NBEAL2: variants seen among roughly 807,000 people sequenced by gnomAD.
The protein encoded by NBEAL2 is neurobeachin like 2.
Under a neutral mutation model 299.8 loss-of-function variants are expected in NBEAL2, and 160 were observed. The observed-to-expected ratio is 0.53, with a 90% CI of 0.47 to 0.61. The LOEUF (loss-of-function observed/expected upper bound fraction) is 0.61. Ranked by LOEUF, NBEAL2 falls within the 20% of genes least tolerant of loss-of-function variation. The pLI, the probability that NBEAL2 is intolerant of heterozygous loss-of-function variation, is 0.00. For missense variants in NBEAL2, 3,112 were observed against 3,649.0 expected, an observed-to-expected ratio of 0.85 and a Z score of 3.79; for synonymous variants, 1,493 against 1,542.3, an observed-to-expected ratio of 0.97 and a Z score of 0.75.
chr3:46,987,300 C>T (rs1223087122), intron 1 of NBEAL2, among the ~76,000 whole-genome samples: 3 of 152,218 alleles, frequency 2.0e-5, no homozygotes, highest in Non-Finnish European at 2.9e-5. Flanking sequence ...AGCCTGAGGC[C>T]TGCTGAGTGC....
In NBEAL2 at chr3:47,002,973, C is replaced by T. The variant is rs774486191; in HGVS notation, c.5476C>T (p.Arg1826Cys). Reference sequence around the variant, plus strand: ...ATTCTGCAGGGACACTCCCATCCCCCGCTGGAAACTGTCCAGCGCCGAGAC... The same window carrying T: ...ATTCTGCAGGGACACTCCCATCCCCTGCTGGAAACTGTCCAGCGCCGAGAC... ...AWALRDTPIP[R>C]WKLSSAETYS... Residue 1826 changes from arginine (R) to cysteine (C), a missense_variant, in exon 34 of 54, where the codon CGC (arginine) becomes TGC (cysteine). This residue lies in a region of NBEAL2 where 2,243 missense variants were observed against 2,538.1 expected (regional missense o/e 0.88). Transcript: ENST00000450053. 2.0e-5 allele frequency: 32 copies of T among 1,613,108 alleles called. No individual in the cohort carries two copies. Among genetic ancestry groups the T allele is most frequent in the Admixed American group, 3.3e-5 (2 of 59,978 alleles).
Position 46,999,651 on chromosome 3 carries a change from T to C in NBEAL2, c.3725T>C (p.Leu1242Pro), listed in dbSNP as rs1419085737. The change falls in exon 26 of 54, where the codon CTG becomes CCG. Residue 1242 changes from leucine to proline, a missense_variant. Physicochemically the swap from Leu to Pro is moderately conservative, Grantham distance 98. This residue lies in a region of NBEAL2 where 2,243 missense variants were observed against 2,538.1 expected (regional missense o/e 0.88). Transcript: ENST00000450053. Reference protein sequence around the residue: ...LGADCLNLSDLLAVVQLSLQA... With the variant: ...LGADCLNLSDPLAVVQLSLQA... ...CCAGATTGCCTGAACCTCTCAGATCTGCTGGCTGTGGTACAGCTGTCCCTC... is the reference window on the plus strand; with the variant it reads ...CCAGATTGCCTGAACCTCTCAGATCCGCTGGCTGTGGTACAGCTGTCCCTC... The C allele has an allele frequency of 1.2e-6, 2 of 1,613,140 alleles. No homozygotes were observed. Among genetic ancestry groups the C allele is most frequent in the Admixed American group, 1.7e-5 (1 of 59,998 alleles).
At position 47,009,384 on chromosome 3, in the gene NBEAL2, G is replaced by C; in HGVS notation, c.*64G>C. The C allele has an allele frequency of 6.7e-7, 1 of 1,482,808 alleles. No homozygotes were observed. The highest frequency in any genetic ancestry group is 9.1e-7 in the Non-Finnish European group (1 of 1,093,424). The allele number at this position is 1,482,808 out of a possible 1,614,324, so 91.9% of individuals were successfully genotyped here. ...GGCCTGGCCCGGGAGGCCCCGCCCA[G>C]AAGTCGGCGGGAACACCCCGGGGTG... On this transcript the variant is annotated 3_prime_UTR_variant, in exon 54 of 54. Coordinates refer to ENST00000450053, the MANE Select transcript of NBEAL2 (RefSeq NM_015175.3).
intron 26 of NBEAL2, 60 bp from the exon 27 acceptor site, chr3:46,999,829 G>C (rs1202436340): frequency 1.3e-6 from 2 of 1,598,884 alleles, no homozygotes; most frequent in Non-Finnish European, 1.7e-6. Context: ...CAAAGGCCCT[G>C]GATGAGGGTC....
In NBEAL2 at chr3:47,000,237, C is replaced by G. The variant is rs764151856; in HGVS notation, c.4138C>G (p.Leu1380Val). ...TAGGGGSSGT[L>V]TPASQPGTPS... ...TGGTGGTGGCGGCAGCAGTGGGACTCTTACTCCAGCCAGCCAGCCCGGCAC... is the reference window on the plus strand; with the variant it reads ...TGGTGGTGGCGGCAGCAGTGGGACTGTTACTCCAGCCAGCCAGCCCGGCAC... Residue 1380 changes from leucine to valine, a missense_variant, in exon 27 of 54, where the codon CTT becomes GTT. By Grantham distance (32) the Leu-to-Val change is conservative. Coordinates refer to ENST00000450053, the MANE Select transcript of NBEAL2 (RefSeq NM_015175.3). This position sits in a 1 kb window ranked among gnomAD's most constrained non-coding sequence, Gnocchi z 4.5. The G allele has an allele frequency of 9.9e-6, 16 of 1,613,418 alleles. No homozygotes were observed. In the South Asian group the frequency reaches 1.8e-4, roughly 18 times the overall value.
At chr3:47,008,478 A>C (rs777604146) in intron 51 of NBEAL2, 37 bp downstream of exon 51, 1 of 1,610,084 alleles carries the variant, frequency 6.2e-7, no homozygotes, top group Admixed American at 1.7e-5. Context: ...ATGGAGGGGC[A>C]GTTGGGATCC....
Position 46,991,731 on chromosome 3 carries a change from G to A in NBEAL2, c.925+43G>A. The stretch of plus-strand genomic sequence containing the variant: ...GGCTCTTGGGGAAGGGGCACCATGA[G>A]GGAAAAGCCTAAGTGATGATGGAAG... On this transcript the variant is annotated intron_variant, in intron 8 of 53. Transcript: ENST00000450053. This position sits in a 1 kb window ranked among gnomAD's most constrained non-coding sequence, Gnocchi z 6.2. 6.3e-7 allele frequency: 1 copy of A among 1,576,678 alleles called. No homozygotes were observed. The highest frequency in any genetic ancestry group is 8.6e-7 in the Non-Finnish European group (1 of 1,163,810).
rs2037340986 is a variant in NBEAL2 at position 47,005,290 on chromosome 3, ACCTCC to A, written c.6531_6535del (p.Ser2178AlafsTer10). The A allele has an allele frequency of 6.2e-7, 1 of 1,612,248 alleles. No individual in the cohort carries two copies. The highest frequency in any genetic ancestry group is 8.5e-7 in the Non-Finnish European group (1 of 1,179,602). ...CTACCTCATCCGCGTGGAGCCCTTC[ACCTCC>A]CTGCACGTCCAGCTGCAAAGTGGCC... On this transcript the variant is annotated frameshift_variant, in exon 40 of 54. Transcript: ENST00000450053. LOFTEE classifies it high-confidence loss of function.
rs750978278 is a variant in NBEAL2, at chr3:47,005,289, C to T, written c.6528C>T (p.Phe2176=). ...VMHYLIRVEP[F]TSLHVQLQSG... ...ACTACCTCATCCGCGTGGAGCCCTTCACCTCCCTGCACGTCCAGCTGCAAA... is the reference window on the plus strand; with the variant it reads ...ACTACCTCATCCGCGTGGAGCCCTTTACCTCCCTGCACGTCCAGCTGCAAA... Residue 2176 remains phenylalanine, a synonymous_variant, in exon 40 of 54, where the codon TTC becomes TTT. Transcript: ENST00000450053. 1.1e-5 allele frequency: 18 copies of T among 1,612,942 alleles called. No individual in the cohort carries two copies. Among genetic ancestry groups the T allele is most frequent in the Non-Finnish European group, 1.4e-5 (17 of 1,179,718 alleles).
In NBEAL2 at chr3:47,008,687, G is replaced by A. The variant is rs1336821087; in HGVS notation, c.8027+19G>A. 6 of 1,612,788 alleles carry A rather than the reference G, an allele frequency of 3.7e-6. No individual in the cohort carries two copies. The highest frequency in any genetic ancestry group is 1.3e-5 in the African/African-American group (1 of 75,044). On this transcript the variant is annotated intron_variant, in intron 52 of 53. Transcript: ENST00000450053. ...TAAACACGTAAGCCCCCCATTTATG[G>A]GTTCATGGCCCCTGAAGGTGGTGGT...
Position 47,000,864 on chromosome 3 carries a change from C to G in NBEAL2, c.4306-137C>G, listed in dbSNP as rs760492534. ...ATTCTTCCAGGCCCTTAGTGCCAGG[C>G]TCACTGTTAGCCAAATGCTCTGACT... is the stretch of plus-strand genomic sequence containing the variant. On this transcript the variant is annotated intron_variant, in intron 27 of 53. Transcript: ENST00000450053. The surrounding 1 kb of genome is among the most constrained non-coding windows in gnomAD (Gnocchi z 4.5). The G allele has an allele frequency of 7.7e-6, 10 of 1,302,502 alleles. No individual in the cohort carries two copies. The highest frequency in any genetic ancestry group is 1.1e-5 in the Non-Finnish European group (10 of 946,096). The allele number at this position is 1,302,502 out of a possible 1,614,324, so 80.7% of individuals were successfully genotyped here.
In NBEAL2 at chr3:46,988,116, C is replaced by G; in HGVS notation, c.52-553C>G. 1 of 1,160,740 alleles carries G rather than the reference C, an allele frequency of 8.6e-7. No individual in the cohort carries two copies. The highest frequency in any genetic ancestry group is 1.1e-6 in the Non-Finnish European group (1 of 914,310). 71.9% of individuals were successfully genotyped at this position (1,160,740 alleles called of 1,614,324 possible). A position where few individuals can be genotyped will look rare whatever the true frequency, so the allele number is the denominator to read the frequency against. ...GTGGGTGGAGGTTCCCGGGGCAAGG[C>G]AGGGCCGCACATGAGGATGTGCGCA... is the stretch of plus-strand genomic sequence containing the variant. On this transcript the variant is annotated intron_variant, in intron 1 of 53. Transcript: ENST00000450053. The surrounding 1 kb of genome is among the most constrained non-coding windows in gnomAD (Gnocchi z 4.4).
Position 46,984,027 on chromosome 3 carries a change from G to T in NBEAL2, c.51+4115G>T, listed in dbSNP as rs901124121. On this transcript the variant is annotated intron_variant, in intron 1 of 53. Transcript: ENST00000450053. Reference sequence around the variant, plus strand: ...GCTTAAAAAAAAATAGTGTCCAGGCGCGGTGTTTCACGCCTGTAATCCCAG... The same window carrying T: ...GCTTAAAAAAAAATAGTGTCCAGGCTCGGTGTTTCACGCCTGTAATCCCAG... Among the ~76,000 whole-genome samples, 3 of 151,814 alleles carry T rather than the reference G, an allele frequency of 2.0e-5. No homozygotes were observed. In the East Asian group the frequency reaches 5.8e-4, roughly 29 times the overall value.
Position 47,005,234 on chromosome 3 carries a change from C to T in NBEAL2, c.6473C>T (p.Thr2158Ile). The change falls in exon 40 of 54, where the codon ACC (threonine) becomes ATC (isoleucine). Residue 2158 changes from threonine to isoleucine, a missense_variant. Coordinates refer to ENST00000450053, the MANE Select transcript of NBEAL2 (RefSeq NM_015175.3). ...ACCATTGACAAGTTCCACTATGGCA[C>T]CCACTACTCCAATGCAGCAGGCGTG... ...AGTIDKFHYG[T>I]HYSNAAGVMH... 6.2e-7 allele frequency: 1 copy of T among 1,613,648 alleles called. No homozygotes were observed. The highest frequency in any genetic ancestry group is 1.1e-5 in the South Asian group (1 of 91,090).
At chr3:46,997,784 A>G (rs2036612418) in intron 20 of NBEAL2, 90 bp downstream of exon 20, 2 of 1,413,152 alleles carry the variant, frequency 1.4e-6, no homozygotes, top group East Asian at 5.1e-5. Context: ...TCAGTCATGA[A>G]GAACCTCCTG....
rs776298778 is a variant in NBEAL2, at chr3:46,990,836, C to T, written c.557-383C>T. Among the ~76,000 whole-genome samples, 246 of 152,282 alleles carry T rather than the reference C, an allele frequency of 1.6e-3. 1 individual carries two copies. The highest frequency in any genetic ancestry group is 1.5e-3 in the Non-Finnish European group (100 of 68,016). The stretch of plus-strand genomic sequence containing the variant: ...AGAGCACGGCATGGGAAGCACCAAC[C>T]GTCACAGGGCAGAGGCAGCAAGAGA... On this transcript the variant is annotated intron_variant, in intron 6 of 53. Coordinates refer to ENST00000450053, the MANE Select transcript of NBEAL2 (RefSeq NM_015175.3).
At position 47,003,164 on chromosome 3, in the gene NBEAL2, C is replaced by A. The variant is rs2107418730; in HGVS notation, c.5585-10C>A. ...CCTTGCTTCTGCTGAGTACCCTTGG[C>A]CCCTTGCAGGTGAGGTTCCCCTGAC... is the stretch of plus-strand genomic sequence containing the variant. On this transcript the variant is annotated splice_polypyrimidine_tract_variant and intron_variant, in intron 34 of 53. Transcript: ENST00000450053. The surrounding 1 kb of genome is among the most constrained non-coding windows in gnomAD (Gnocchi z 7.0). The A allele has an allele frequency of 7.5e-6, 12 of 1,604,912 alleles. No individual in the cohort carries two copies. Among genetic ancestry groups the A allele is most frequent in the Non-Finnish European group, 1.0e-5 (12 of 1,173,834 alleles).
chr3:46,996,256 A>G lies in NBEAL2; in HGVS notation c.2152-15A>G, dbSNP rs1186325555. 1 of 1,603,392 alleles carries G rather than the reference A, an allele frequency of 6.2e-7. No individual in the cohort carries two copies. The highest frequency in any genetic ancestry group is 8.5e-7 in the Non-Finnish European group (1 of 1,179,524). ...CTGCTGTGACCTGACCGCTCCCCCA[A>G]CCCCGGCCCCACAGCCTTTCTCCTC... On this transcript the variant is annotated splice_polypyrimidine_tract_variant and intron_variant, in intron 15 of 53. Transcript: ENST00000450053.
At position 46,988,648 on chromosome 3, in the gene NBEAL2, G is replaced by C. The variant is rs766692078; in HGVS notation, c.52-21G>C. 3 of 1,607,982 alleles carry C rather than the reference G, an allele frequency of 1.9e-6. No homozygotes were observed. The highest frequency in any genetic ancestry group is 2.2e-5 in the South Asian group (2 of 90,944). ...TGCATCCCTCCTGCCCCCCACCACT[G>C]TTCCCCTGTTCTGCCTACAGAAGGA... On this transcript the variant is annotated intron_variant, in intron 1 of 53. Transcript: ENST00000450053. This position sits in a 1 kb window ranked among gnomAD's most constrained non-coding sequence, Gnocchi z 4.4.
Sources: gnomAD v4.1 joint callset for allele counts (sites outside exome capture counted in the v4.1 genomes callset) on GRCh38, gnomAD v4.1.1 for gene constraint, gnomAD v4.1.1 regional missense constraint, Gnocchi (gnomAD v3.1) non-coding constraint, MANE v1.5 for transcripts, NCBI Gene and HGNC (gene_info 2026-07-23, HGNC 2026-07-21) for gene names.